The following NRXN1 variants were observed in gnomAD, a reference collection of about 807,000 sequenced individuals.
NRXN1 encodes the protein neurexin 1.
In NRXN1, 39 loss-of-function variants were observed where a neutral mutation model predicts 150.9. That is an observed-to-expected ratio of 0.26 (90% CI 0.20 to 0.34). The LOEUF (loss-of-function observed/expected upper bound fraction) is 0.34, where lower values mean the gene tolerates loss of function less well. Among genes scored for constraint, NRXN1 ranks in the 10% least tolerant of loss-of-function variants. The pLI is 1.00. For missense variants in NRXN1, 1,815 were observed against 1,949.9 expected, an observed-to-expected ratio of 0.93 and a Z score of 1.30; for synonymous variants, 924 against 757.0, an observed-to-expected ratio of 1.22 and a Z score of -3.62.
intron 17 of NRXN1, among the ~76,000 whole-genome samples, chr2:50,406,929 T>C (rs2082788402): frequency 6.6e-6 from 1 of 152,146 alleles, no homozygotes. Context: ...TGATTGATCA[T>C]CCTGGGAAAC....
intron 18 of NRXN1, among the ~76,000 whole-genome samples, chr2:50,164,966 C>A (rs764775366): frequency 6.6e-6 from 1 of 152,076 alleles, no homozygotes; most frequent in Admixed American, 6.6e-5. Flanking sequence ...TGGCTTGAGG[C>A]TATACATGAG....
chr2:50,844,078 A>G (rs1047014123), intron 5 of NRXN1, among the ~76,000 whole-genome samples: 6 of 152,138 alleles, frequency 3.9e-5, no homozygotes, highest in African/African-American at 1.4e-4. Flanking sequence ...CCAAACCCAA[A>G]GAATGGACCT....
chr2:50,472,206 A>G, intron 16 of NRXN1, 92 bp downstream of exon 16: 2 of 1,112,042 alleles, frequency 1.8e-6, no homozygotes, highest in South Asian at 5.1e-5. Context: ...GTATTTGACC[A>G]GTTATCAGAA....
intron 8 of NRXN1, among the ~76,000 whole-genome samples, chr2:50,595,141 T>A (rs998100748): frequency 6.6e-6 from 1 of 151,874 alleles, no homozygotes; most frequent in Non-Finnish European, 1.5e-5. Flanking sequence ...CCACCTGGAA[T>A]AAAATAGTAA....
intron 5 of NRXN1, among the ~76,000 whole-genome samples, chr2:50,823,852 G>C (rs978365573): frequency 1.3e-5 from 2 of 152,134 alleles, no homozygotes; most frequent in African/African-American, 4.8e-5. Flanking sequence ...TACTATGTTG[G>C]AGGTAAATTT....
At chr2:50,553,151 T>C (rs1667770685) in intron 8 of NRXN1, 126 bp from the exon 9 acceptor site, 6 of 691,972 alleles carry the variant, frequency 8.7e-6, no homozygotes, top group Non-Finnish European at 1.5e-5. Flanking sequence ...TTTTGTTGTA[T>C]AAAGGCAACA....
intron 2 of NRXN1, among the ~76,000 whole-genome samples, chr2:50,995,003 AAATATAGGGTAATAACATTG>A (rs1352610400): frequency 6.6e-6 from 1 of 152,096 alleles, no homozygotes; most frequent in Non-Finnish European, 1.5e-5. Flanking sequence ...AGTTTAAGAG[AAATATAGGGTAATAACATTG>A]AATATAAAAG....
chr2:50,219,956 A>ATATATCT (rs1553776177), intron 18 of NRXN1, among the ~76,000 whole-genome samples: 2 of 82,524 alleles, frequency 2.4e-5, no homozygotes, highest in Non-Finnish European at 4.3e-5. Flanking sequence ...TATATATAAT[A>ATATATCT]TATATATTAT....
chr2:50,987,799 T>TA (rs1223530717), intron 2 of NRXN1, among the ~76,000 whole-genome samples: 1 of 151,946 alleles, frequency 6.6e-6, no homozygotes, highest in Non-Finnish European at 1.5e-5. Flanking sequence ...GATAGCTAAG[T>TA]AGAGCTATTC....
At chr2:50,203,440 A>G (rs1249838602) in intron 18 of NRXN1, among the ~76,000 whole-genome samples, 1 of 152,126 alleles carries the variant, frequency 6.6e-6, no homozygotes, top group African/African-American at 2.4e-5. Flanking sequence ...CATTTGAAAG[A>G]TTTGAAATGT....
chr2:50,841,434 C>A (rs1174894507), intron 5 of NRXN1, among the ~76,000 whole-genome samples: 1 of 152,180 alleles, frequency 6.6e-6, no homozygotes, highest in Non-Finnish European at 1.5e-5. Context: ...CTTCTCCTAT[C>A]CTCCTCTGGA....
intron 2 of NRXN1, among the ~76,000 whole-genome samples, chr2:50,986,365 T>C (rs981075186): frequency 2.0e-5 from 3 of 151,756 alleles, no homozygotes; most frequent in Admixed American, 6.6e-5. Context: ...GTGAGTTAAA[T>C]ATGGACAAAC....
At chr2:50,629,205 C>T (rs1681779601) in intron 5 of NRXN1, among the ~76,000 whole-genome samples, 1 of 151,686 alleles carries the variant, frequency 6.6e-6, no homozygotes, top group Non-Finnish European at 1.5e-5. Flanking sequence ...TTATCTAAAA[C>T]TTAACACTAC....
chr2:51,018,749 T>G (rs1669129053), intron 2 of NRXN1, among the ~76,000 whole-genome samples: 1 of 152,092 alleles, frequency 6.6e-6, no homozygotes, highest in South Asian at 2.1e-4. Context: ...AATTTTATCA[T>G]CCAAACTCTG....
At chr2:50,374,777 A>G (rs2080362249) in intron 17 of NRXN1, among the ~76,000 whole-genome samples, 1 of 152,172 alleles carries the variant, frequency 6.6e-6, no homozygotes, top group Non-Finnish European at 1.5e-5. Flanking sequence ...TTAAAGTTAT[A>G]TTTTCAAATC....
intron 21 of NRXN1, among the ~76,000 whole-genome samples, chr2:50,032,037 C>T (rs1689251956): frequency 6.6e-6 from 1 of 151,890 alleles, no homozygotes; most frequent in South Asian, 2.1e-4. Context: ...AAAAATATAT[C>T]AATATGTGTT....
chr2:50,379,875 C>A (rs1000780317), intron 17 of NRXN1, among the ~76,000 whole-genome samples: 3 of 152,178 alleles, frequency 2.0e-5, no homozygotes, highest in Admixed American at 6.6e-5. Flanking sequence ...TGTTTAGTGA[C>A]ACTAATCCTT....
In NRXN1 at chr2:50,628,784, C is replaced by G. The variant is rs530528005; in HGVS notation, c.833-5169G>C. Among the ~76,000 whole-genome samples, 11 of 151,480 alleles carry G rather than the reference C, an allele frequency of 7.3e-5. No individual in the cohort carries two copies. In the South Asian group the frequency reaches 2.1e-3, roughly 29 times the overall value. On this transcript the variant is annotated intron_variant, in intron 5 of 22. Coordinates refer to ENST00000401669, the MANE Select transcript of NRXN1 (RefSeq NM_001330078.2). Reference sequence around the variant, plus strand: ...CGTAAATGTCAATAAATACTTATATCTAGGATACAAAGAGACCTCTTACAA... The same window carrying G: ...CGTAAATGTCAATAAATACTTATATGTAGGATACAAAGAGACCTCTTACAA...
At chr2:50,391,396 G>C (rs939904464) in intron 17 of NRXN1, among the ~76,000 whole-genome samples, 1 of 152,012 alleles carries the variant, frequency 6.6e-6, no homozygotes, top group African/African-American at 2.4e-5. Flanking sequence ...AAGTTAATGA[G>C]TTTGGTTATA....
Sources: gnomAD v4.1 joint callset for allele counts (sites outside exome capture counted in the v4.1 genomes callset) on GRCh38, gnomAD v4.1.1 for gene constraint, MANE v1.5 for transcripts, NCBI Gene and HGNC (gene_info 2026-07-23, HGNC 2026-07-21) for gene names.